GNAQ: variants seen among roughly 807,000 people sequenced by gnomAD.
The protein encoded by GNAQ is guanine nucleotide-binding protein G(q) subunit alpha.
A neutral mutation model predicts 43.9 loss-of-function variants in GNAQ; 8 were observed. That is an observed-to-expected ratio of 0.18 (90% CI 0.11 to 0.33). The LOEUF is 0.33. Among genes scored for constraint, GNAQ ranks in the 10% least tolerant of loss-of-function variants. The probability of loss-of-function intolerance (pLI) is 1.00; values close to 1 mark genes in which losing one functional copy is unlikely to be tolerated. For missense variants in GNAQ, 158 were observed against 450.8 expected (o/e 0.35, Z 5.88); for synonymous variants, 155 against 170.7 (o/e 0.91, Z 0.71).
intron 2 of GNAQ, among the ~76,000 whole-genome samples, chr9:77,909,610 G>A (rs568566255): frequency 3.9e-5 from 6 of 152,040 alleles, no homozygotes; most frequent in African/African-American, 9.6e-5. Context: ...TCATCTCAGC[G>A]GGGATATCAC....
At chr9:77,862,955 G>C (rs1827879518) in intron 2 of GNAQ, among the ~76,000 whole-genome samples, 1 of 152,078 alleles carries the variant, frequency 6.6e-6, no homozygotes, top group African/African-American at 2.4e-5. Flanking sequence ...GAGGCACGAG[G>C]ATCACCTGAG....
intron 1 of GNAQ, among the ~76,000 whole-genome samples, chr9:77,938,515 G>A (rs1195288252): frequency 6.6e-6 from 1 of 152,194 alleles, no homozygotes; most frequent in Admixed American, 6.5e-5. Context: ...CTACCGCAAG[G>A]CCCACACAGG....
intron 1 of GNAQ, among the ~76,000 whole-genome samples, chr9:77,985,998 A>C (rs1044145267): frequency 1.3e-5 from 2 of 152,190 alleles, no homozygotes; most frequent in African/African-American, 4.8e-5. Flanking sequence ...ATACGGCCTT[A>C]ATATTCGAAG....
chr9:78,006,596 T>C (rs1006521149), intron 1 of GNAQ, among the ~76,000 whole-genome samples: 1 of 152,230 alleles, frequency 6.6e-6, no homozygotes, highest in South Asian at 2.1e-4. Flanking sequence ...TGTTCTTTCA[T>C]TTCCTTCATT....
In GNAQ at chr9:78,031,113, C is replaced by G; in HGVS notation, c.123G>C (p.Lys41Asn). 6.5e-7 allele frequency: 1 copy of G among 1,529,792 alleles called. No homozygotes were observed. Among genetic ancestry groups the G allele is most frequent in the Non-Finnish European group, 8.8e-7 (1 of 1,138,798 alleles). The allele number at this position is 1,529,792 out of a possible 1,614,324, so 94.8% of individuals were successfully genotyped here. ...RDKRDARREL[K>N]LLLLGTGESG... Reference sequence around the variant, plus strand: ...GACGGTACTCACCGAGCAGCAGCAGCTTGAGCTCCCGGCGGGCGTCCCGCT... The same window carrying G: ...GACGGTACTCACCGAGCAGCAGCAGGTTGAGCTCCCGGCGGGCGTCCCGCT... Residue 41 changes from lysine to asparagine, a missense_variant, in exon 1 of 7, where the codon AAG becomes AAC. Physicochemically the swap from Lys to Asn is moderately conservative, Grantham distance 94. Around this residue, in one of 9 missense-constraint regions of GNAQ, gnomAD observed 10 missense variants for 28.8 expected, o/e 0.35. Transcript: ENST00000286548.
At chr9:77,862,881 G>A (rs1195785585) in intron 2 of GNAQ, among the ~76,000 whole-genome samples, 2 of 152,162 alleles carry the variant, frequency 1.3e-5, no homozygotes, top group African/African-American at 4.8e-5. Flanking sequence ...AGGCTTTGCT[G>A]CTTAGAAATT....
chr9:77,861,856 C>T (rs867182888), intron 2 of GNAQ, among the ~76,000 whole-genome samples: 11 of 151,702 alleles, frequency 7.3e-5, no homozygotes, highest in Admixed American at 2.0e-4. Flanking sequence ...AAAAATTAGC[C>T]GGGCGTGGTG....
At chr9:78,020,200 C>G (rs915510204) in intron 1 of GNAQ, among the ~76,000 whole-genome samples, 3 of 152,008 alleles carry the variant, frequency 2.0e-5, no homozygotes, top group African/African-American at 7.3e-5. Context: ...ATAGGAGATG[C>G]AAGCCAAGCA....
intron 5 of GNAQ, among the ~76,000 whole-genome samples, chr9:77,741,957 A>T (rs1268485375): frequency 1.3e-5 from 2 of 152,214 alleles, no homozygotes; most frequent in East Asian, 3.9e-4. Flanking sequence ...TTTTTTGGGC[A>T]AACTCTTGGC....
chr9:77,853,507 A>G (rs1180714024), intron 2 of GNAQ, among the ~76,000 whole-genome samples: 2 of 152,112 alleles, frequency 1.3e-5, no homozygotes, highest in Non-Finnish European at 2.9e-5. Context: ...ACCATTCACT[A>G]TGAAAGAAAA....
chr9:77,997,680 G>A (rs1823586736), intron 1 of GNAQ, among the ~76,000 whole-genome samples: 1 of 152,134 alleles, frequency 6.6e-6, no homozygotes, highest in South Asian at 2.1e-4. Context: ...TGTAGGACCT[G>A]AAGAAGCAGT....
intron 5 of GNAQ, among the ~76,000 whole-genome samples, chr9:77,793,018 ATTTT>A (rs1826600744): frequency 6.6e-6 from 1 of 151,456 alleles, no homozygotes; most frequent in Non-Finnish European, 1.5e-5. Context: ...CCCTCAAAAT[ATTTT>A]TTTGTCTTGA....
intron 1 of GNAQ, among the ~76,000 whole-genome samples, chr9:77,974,372 T>G (rs1823274044): frequency 6.6e-6 from 1 of 152,192 alleles, no homozygotes; most frequent in Admixed American, 6.5e-5. Context: ...AGGCTGCATG[T>G]CCAATCCTGA....
intron 2 of GNAQ, among the ~76,000 whole-genome samples, chr9:77,902,554 T>G (rs943001244): frequency 1.3e-5 from 2 of 152,122 alleles, no homozygotes. Flanking sequence ...TTTAAAATAC[T>G]AAAAAGGAAA....
chr9:77,829,269 A>C (rs150614964), intron 2 of GNAQ, among the ~76,000 whole-genome samples: 1,552 of 152,324 alleles, frequency 0.01, 26 homozygotes, highest in African/African-American at 0.036. Context: ...TACAGATCTG[A>C]AAATAAAAAC....
chr9:77,738,492 A>G (rs1248665883), intron 5 of GNAQ, among the ~76,000 whole-genome samples: 1 of 152,222 alleles, frequency 6.6e-6, no homozygotes, highest in Non-Finnish European at 1.5e-5. Flanking sequence ...GGAAAAGAAA[A>G]AAGTTCCCAT....
At chr9:77,831,421 T>C (rs1564123975) in intron 2 of GNAQ, among the ~76,000 whole-genome samples, 2 of 152,186 alleles carry the variant, frequency 1.3e-5, no homozygotes, top group African/African-American at 2.4e-5. Flanking sequence ...TTTCCACCCA[T>C]GCAATTTAAA....
chr9:77,810,252 A>G (rs1826899530), intron 3 of GNAQ, among the ~76,000 whole-genome samples: 1 of 146,444 alleles, frequency 6.8e-6, no homozygotes, highest in African/African-American at 2.6e-5. Flanking sequence ...CTATCTATCT[A>G]TCTATCTATC....
At chr9:77,974,506 A>C (rs1823275218) in intron 1 of GNAQ, among the ~76,000 whole-genome samples, 1 of 152,230 alleles carries the variant, frequency 6.6e-6, no homozygotes, top group Non-Finnish European at 1.5e-5. Context: ...ACACTCATGT[A>C]ATCTTTGCAG....
Sources: gnomAD v4.1 joint callset for allele counts (sites outside exome capture counted in the v4.1 genomes callset) on GRCh38, gnomAD v4.1.1 for gene constraint, gnomAD v4.1.1 regional missense constraint, MANE v1.5 for transcripts, NCBI Gene and HGNC (gene_info 2026-07-23, HGNC 2026-07-21) for gene names.